The following DLGAP1 variants were observed in gnomAD, a reference collection of about 807,000 sequenced individuals.
The protein encoded by DLGAP1 is DLG associated protein 1.
A neutral mutation model predicts 90.8 loss-of-function variants in DLGAP1; 11 were observed. The ratio of observed to expected loss-of-function variants is 0.12; its 90% CI spans 0.08 to 0.20. The LOEUF is 0.20. DLGAP1 is among the 10% of genes least tolerant of loss of function. The pLI is 1.00. For missense variants in DLGAP1, 1,050 were observed against 1,333.8 expected (o/e 0.79, Z 3.31); for synonymous variants, 558 against 540.7 (o/e 1.03, Z -0.44).
chr18:4,442,862 G>A (rs1598429380), intron 1 of DLGAP1, among the ~76,000 whole-genome samples: 1 of 152,212 alleles, frequency 6.6e-6, no homozygotes, highest in Admixed American at 6.5e-5. Context: ...ATGCTCCATG[G>A]CTCCACAAGG....
intron 1 of DLGAP1, among the ~76,000 whole-genome samples, chr18:4,185,652 ACATTTAGGTTGATTT>A (rs1199175747): frequency 2.0e-5 from 3 of 152,016 alleles, no homozygotes; most frequent in African/African-American, 7.2e-5. Flanking sequence ...CATTTGATGG[ACATTTAGGTTGATTT>A]CATTTAGGTT....
At chr18:4,193,640 A>G (rs977984838) in intron 1 of DLGAP1, among the ~76,000 whole-genome samples, 3 of 152,220 alleles carry the variant, frequency 2.0e-5, no homozygotes, top group Admixed American at 2.0e-4. Context: ...GAATTTTATA[A>G]ATGGATACAT....
intron 7 of DLGAP1, among the ~76,000 whole-genome samples, chr18:3,636,595 T>C (rs548395739): frequency 6.6e-6 from 1 of 150,998 alleles, no homozygotes; most frequent in African/African-American, 2.4e-5. Context: ...TATTTTTTTT[T>C]AGTAGAGATG....
chr18:3,719,302 C>T (rs1012889581), intron 7 of DLGAP1, among the ~76,000 whole-genome samples: 1 of 151,764 alleles, frequency 6.6e-6, no homozygotes, highest in Non-Finnish European at 1.5e-5. Flanking sequence ...TGCGGTGGCT[C>T]GCACCTGTAA....
chr18:4,443,525 T>C (rs1224827843), intron 1 of DLGAP1, among the ~76,000 whole-genome samples: 1 of 152,206 alleles, frequency 6.6e-6, no homozygotes, highest in Non-Finnish European at 1.5e-5. Flanking sequence ...ACTATTTAGT[T>C]TACAGAAAAT....
In DLGAP1 at chr18:3,580,845, G is replaced by GC. The variant is rs1916410361; in HGVS notation, c.1965+1029dup. ...CGGACCGTGGAAAATAAAAGGCTCTGCCCCCGGGGTGAGTGTGGCCGGTTG... is the reference window on the plus strand; with the variant it reads ...CGGACCGTGGAAAATAAAAGGCTCTGCCCCCCGGGGTGAGTGTGGCCGGTTG... On this transcript the variant is annotated intron_variant, in intron 8 of 12. Transcript: ENST00000315677. 2.2e-6 allele frequency: 3 copies of GC among 1,371,554 alleles called. No homozygotes were observed. The African/African-American group carries it at 4.3e-5, about 20-fold the overall frequency. 85.0% of individuals were successfully genotyped at this position (1,371,554 alleles called of 1,614,324 possible).
intron 4 of DLGAP1, among the ~76,000 whole-genome samples, chr18:3,871,196 C>G (rs1218615847): frequency 6.6e-6 from 1 of 152,158 alleles, no homozygotes; most frequent in Non-Finnish European, 1.5e-5. Context: ...CGAGGTATTT[C>G]CTTAGGATTT....
intron 2 of DLGAP1, among the ~76,000 whole-genome samples, chr18:4,093,985 A>T (rs1252716859): frequency 6.6e-6 from 1 of 152,114 alleles, no homozygotes; most frequent in Non-Finnish European, 1.5e-5. Flanking sequence ...ACTTATTTAA[A>T]TTTTTTAAGA....
chr18:3,722,098 A>G (rs908481034), intron 7 of DLGAP1: 1 of 152,194 alleles, frequency 6.6e-6, no homozygotes, highest in African/African-American at 2.4e-5. Context: ...TGAACCTTAC[A>G]ACAGCCTTTA....
At chr18:4,291,345 C>T (rs2079843642) in intron 1 of DLGAP1, among the ~76,000 whole-genome samples, 1 of 152,118 alleles carries the variant, frequency 6.6e-6, no homozygotes, top group African/African-American at 2.4e-5. Flanking sequence ...ATGGCTCTTC[C>T]TGCTTGGTTT....
intron 7 of DLGAP1, among the ~76,000 whole-genome samples, chr18:3,723,571 GAGTGGGGAGC>G (rs1686989026): frequency 6.6e-6 from 1 of 152,054 alleles, no homozygotes; most frequent in Admixed American, 6.6e-5. Context: ...TGTGGGGGGG[GAGTGGGGAGC>G]AAGGTGTGTG....
At chr18:4,310,338 C>T (rs1219594861) in intron 1 of DLGAP1, among the ~76,000 whole-genome samples, 2 of 152,040 alleles carry the variant, frequency 1.3e-5, no homozygotes, top group East Asian at 3.9e-4. Context: ...TCAACGCATG[C>T]GTGTGTTGTT....
At chr18:4,445,100 T>C (rs2083628456) in intron 1 of DLGAP1, among the ~76,000 whole-genome samples, 1 of 152,200 alleles carries the variant, frequency 6.6e-6, no homozygotes. Flanking sequence ...AATTCGAGTT[T>C]AATATTTTCC....
chr18:4,252,501 A>C (rs1035327245), intron 1 of DLGAP1, among the ~76,000 whole-genome samples: 1 of 122,378 alleles, frequency 8.2e-6, no homozygotes, highest in Non-Finnish European at 1.5e-5. Context: ...ACATTGAGAG[A>C]GTCAGAAAAG....
intron 1 of DLGAP1, among the ~76,000 whole-genome samples, chr18:4,297,147 A>C (rs1273545279): frequency 6.6e-6 from 1 of 152,204 alleles, no homozygotes; most frequent in African/African-American, 2.4e-5. Flanking sequence ...CTTCAACAAC[A>C]GTATAAGGAA....
At chr18:4,284,315 G>T (rs1451355147) in intron 1 of DLGAP1, among the ~76,000 whole-genome samples, 1 of 151,828 alleles carries the variant, frequency 6.6e-6, no homozygotes, top group Admixed American at 6.6e-5. Flanking sequence ...AGTACAAGCC[G>T]AACACAGGCA....
chr18:4,094,181 A>T (rs1378536922), intron 2 of DLGAP1, among the ~76,000 whole-genome samples: 1 of 152,194 alleles, frequency 6.6e-6, no homozygotes, highest in African/African-American at 2.4e-5. Flanking sequence ...TCTAAAATTG[A>T]CATTAATTCA....
chr18:4,075,726 ATAAG>A (rs71160937), intron 2 of DLGAP1, among the ~76,000 whole-genome samples: 6,611 of 152,298 alleles, frequency 0.043, 190 homozygotes, highest in Non-Finnish European at 0.067. Context: ...AATAATAACA[ATAAG>A]TGAGACAACA....
chr18:4,187,669 A>G (rs1465031375), intron 1 of DLGAP1, among the ~76,000 whole-genome samples: 1 of 152,120 alleles, frequency 6.6e-6, no homozygotes, highest in Admixed American at 6.6e-5. Context: ...AAATTTGACT[A>G]AAGAAAGTAA....
Sources: allele counts gnomAD v4.1 joint callset (sites outside exome capture counted in the v4.1 genomes callset), GRCh38; gene constraint gnomAD v4.1.1; transcripts MANE v1.5; gene names NCBI Gene and HGNC (gene_info 2026-07-23, HGNC 2026-07-21).